The following ATXN7 variants were observed in gnomAD, a reference collection of about 807,000 sequenced individuals.
ATXN7 encodes ataxin-7.
Under a neutral mutation model 70.5 loss-of-function variants are expected in ATXN7, and 12 were observed. The observed-to-expected ratio is 0.17, with a 90% CI of 0.11 to 0.28. The LOEUF is 0.28. Ranked by LOEUF, ATXN7 falls within the 10% of genes least tolerant of loss-of-function variation. The pLI, the probability that ATXN7 is intolerant of heterozygous loss-of-function variation, is 1.00. For missense variants in ATXN7, 1,256 were observed against 1,131.7 expected (o/e 1.11, Z -1.58); for synonymous variants, 498 against 448.7 (o/e 1.11, Z -1.39).
intron 2 of ATXN7, among the ~76,000 whole-genome samples, chr3:63,903,083 A>G (rs1459861217): frequency 2.0e-5 from 3 of 151,860 alleles, no homozygotes; most frequent in Non-Finnish European, 4.4e-5. Context: ...CATCATCATC[A>G]CCACTTTTTC....
chr3:63,866,950 A>G (rs1422032728), intron 1 of ATXN7: 1 of 151,036 alleles, frequency 6.6e-6, no homozygotes, highest in African/African-American at 2.5e-5. Flanking sequence ...TTGAGTCATA[A>G]GATTTCTGGG....
rs951732765 is a variant in ATXN7, at chr3:64,001,134, T to G, written c.*1667T>G. ...GAATGAATAAACTTGGTTACCAGCC[T>G]AATAATGTGAATTGCTACAGAATTA... On this transcript the variant is annotated 3_prime_UTR_variant, in exon 13 of 13. Transcript: ENST00000674280. 1 of 152,178 alleles carries G rather than the reference T, an allele frequency of 6.6e-6. No individual in the cohort carries two copies. The allele number at this position is 152,178 out of a possible 1,614,324, so 9.4% of individuals were successfully genotyped here. A position where few individuals can be genotyped will look rare whatever the true frequency, so the allele number is the denominator to read the frequency against.
At chr3:63,977,681 G>C (rs1157682261) in intron 5 of ATXN7, among the ~76,000 whole-genome samples, 3 of 152,132 alleles carry the variant, frequency 2.0e-5, no homozygotes, top group East Asian at 3.9e-4. Flanking sequence ...TGGATTAGGG[G>C]GTGGTTTCAG....
intron 4 of ATXN7, among the ~76,000 whole-genome samples, chr3:63,916,382 G>C (rs1704268939): frequency 6.6e-6 from 1 of 152,266 alleles, no homozygotes; most frequent in Non-Finnish European, 1.5e-5. Context: ...TTCTAGGGTA[G>C]GTGTTCACAG....
rs1031513651 is a variant in ATXN7 at position 63,967,445 on chromosome 3, T to C, written c.500-12470T>C. ...ATAGGGGAAATAAAACCTGGAAAAA[T>C]GCTGCAGGTATTTTATAGAAATGTT... On this transcript the variant is annotated intron_variant, in intron 5 of 12. Coordinates refer to ENST00000674280, the MANE Select transcript of ATXN7 (RefSeq NM_001377405.1). Among the ~76,000 whole-genome samples, 5 of 152,118 alleles carry C rather than the reference T, an allele frequency of 3.3e-5. No individual in the cohort carries two copies. The South Asian group carries it at 1.0e-3, about 32-fold the overall frequency.
chr3:63,989,594 C>T (rs563070396), intron 9 of ATXN7, among the ~76,000 whole-genome samples: 1 of 151,420 alleles, frequency 6.6e-6, no homozygotes, highest in South Asian at 2.1e-4. Flanking sequence ...ATTCCCTAAA[C>T]AATACATTAC....
chr3:63,903,206 A>G (rs1703710567), intron 2 of ATXN7, among the ~76,000 whole-genome samples: 1 of 152,104 alleles, frequency 6.6e-6, no homozygotes, highest in East Asian at 1.9e-4. Context: ...TATCCTGGCT[A>G]ACATGGTGAA....
chr3:63,971,401 T>G (rs2075310669), intron 5 of ATXN7, among the ~76,000 whole-genome samples: 6 of 152,152 alleles, frequency 3.9e-5, no homozygotes, highest in Admixed American at 3.9e-4. Flanking sequence ...TTTCATCAAG[T>G]GCCTGGGGAA....
chr3:63,897,914 A>C (rs1308769218), intron 1 of ATXN7, among the ~76,000 whole-genome samples: 1 of 152,240 alleles, frequency 6.6e-6, no homozygotes, highest in Non-Finnish European at 1.5e-5. Flanking sequence ...GCTTTTTAAT[A>C]AGATGGTTTA....
intron 5 of ATXN7, among the ~76,000 whole-genome samples, chr3:63,964,034 A>G (rs2075176611): frequency 6.6e-6 from 1 of 151,464 alleles, no homozygotes; most frequent in African/African-American, 2.4e-5. Context: ...GCTTCCATTT[A>G]ATTTTCTAAA....
intron 2 of ATXN7, among the ~76,000 whole-genome samples, chr3:63,908,141 C>T (rs1375040190): frequency 6.6e-6 from 1 of 152,152 alleles, no homozygotes; most frequent in Non-Finnish European, 1.5e-5. Context: ...TCTTTTAAGT[C>T]CTCACTCTTG....
intron 5 of ATXN7, among the ~76,000 whole-genome samples, chr3:63,954,549 G>T (rs1376813389): frequency 6.6e-6 from 1 of 152,134 alleles, no homozygotes; most frequent in Non-Finnish European, 1.5e-5. Flanking sequence ...TGACTTAGTG[G>T]TGCCCCAGAG....
chr3:63,966,869 C>A (rs1240463451), intron 5 of ATXN7, among the ~76,000 whole-genome samples: 4 of 152,142 alleles, frequency 2.6e-5, no homozygotes, highest in Admixed American at 2.0e-4. Flanking sequence ...TAAAAGAGTT[C>A]ATTTTGAACT....
chr3:63,895,193 G>A (rs534910067), intron 1 of ATXN7, among the ~76,000 whole-genome samples: 6 of 152,262 alleles, frequency 3.9e-5, no homozygotes, highest in African/African-American at 1.4e-4. Flanking sequence ...CGTTTATTGT[G>A]ATTAGTAGGT....
chr3:63,863,926 T>G lies in ATXN7; in HGVS notation c.-343T>G. ...GGCGGCGGCGCCCGCGGCCGCCTGC[T>G]CCGACGCCTGAGCCGCGCCGCGCCG... On this transcript the variant is annotated 5_prime_UTR_variant, in exon 1 of 13. Transcript: ENST00000674280. 1.4e-6 allele frequency: 1 copy of G among 732,826 alleles called. No homozygotes were observed. Among genetic ancestry groups the G allele is most frequent in the Non-Finnish European group, 1.7e-6 (1 of 599,958 alleles). The allele number at this position is 732,826 out of a possible 1,614,324, so 45.4% of individuals were successfully genotyped here.
At chr3:63,914,951 CTG>C (rs1273681772) in intron 4 of ATXN7, among the ~76,000 whole-genome samples, 2 of 152,096 alleles carry the variant, frequency 1.3e-5, no homozygotes, top group Non-Finnish European at 2.9e-5. Flanking sequence ...GAGTCTCACT[CTG>C]TGGCCATGCT....
intron 4 of ATXN7, among the ~76,000 whole-genome samples, chr3:63,934,480 G>C (rs571219392): frequency 6.6e-6 from 1 of 152,134 alleles, no homozygotes; most frequent in Non-Finnish European, 1.5e-5. Flanking sequence ...TGGGGCACTA[G>C]GAAAGAGATG....
intron 5 of ATXN7, among the ~76,000 whole-genome samples, chr3:63,975,155 A>C (rs928227447): frequency 6.6e-6 from 1 of 152,232 alleles, no homozygotes; most frequent in Non-Finnish European, 1.5e-5. Context: ...TTCATTCTCA[A>C]AACAAGCTTT....
rs568622972 is a variant in ATXN7, at chr3:63,973,052, G to T, written c.500-6863G>T. Among the ~76,000 whole-genome samples, 3 of 152,218 alleles carry T rather than the reference G, an allele frequency of 2.0e-5. No individual in the cohort carries two copies. In the East Asian group the frequency reaches 5.8e-4, roughly 29 times the overall value. ...GCAACTCTTGATCGTTTAATCCACAGCAGCCCTGCAAAGTAGGCTTGGCAA... is the reference window on the plus strand; with the variant it reads ...GCAACTCTTGATCGTTTAATCCACATCAGCCCTGCAAAGTAGGCTTGGCAA... On this transcript the variant is annotated intron_variant, in intron 5 of 12. Transcript: ENST00000674280.
Sources: allele counts gnomAD v4.1 joint callset (sites outside exome capture counted in the v4.1 genomes callset), GRCh38; gene constraint gnomAD v4.1.1; transcripts MANE v1.5; gene names NCBI Gene and HGNC (gene_info 2026-07-23, HGNC 2026-07-21).